The following NCALD variants were observed in gnomAD, a reference collection of about 807,000 sequenced individuals.
NCALD encodes the protein neurocalcin-delta.
Under a neutral mutation model 18.6 loss-of-function variants are expected in NCALD, and 10 were observed. The observed-to-expected ratio is 0.54, with a 90% CI of 0.33 to 0.91. NCALD has a LOEUF of 0.91. Ranked by LOEUF, NCALD falls within the 40% of genes least tolerant of loss-of-function variation. The pLI, the probability that NCALD is intolerant of heterozygous loss-of-function variation, is 0.03. For synonymous variants in NCALD, 88 were observed against 87.4 expected (o/e 1.01, Z -0.04); for missense variants, 184 against 247.6 (o/e 0.74, Z 1.72).
At position 101,689,263 on chromosome 8, in the gene NCALD, A is replaced by C; in HGVS notation, c.*46T>G. ...AAAAAATTGTTAAAAAGAAGAATCA[A>C]AAGGGAACACAAGCAGCTCTACAAT... is the stretch of plus-strand genomic sequence containing the variant. On this transcript the variant is annotated 3_prime_UTR_variant, in exon 4 of 4. Transcript: ENST00000220931. This position sits in a 1 kb window ranked among gnomAD's most constrained non-coding sequence, Gnocchi z 4.4. 1 of 1,578,284 alleles carries C rather than the reference A, an allele frequency of 6.3e-7. No homozygotes were observed. The highest frequency in any genetic ancestry group is 8.7e-7 in the Non-Finnish European group (1 of 1,155,742).
chr8:101,885,155 C>A (rs977829822), intron 4 of NCALD, among the ~76,000 whole-genome samples: 10 of 152,186 alleles, frequency 6.6e-5, no homozygotes, highest in Admixed American at 1.3e-4. Flanking sequence ...GTACAGATTT[C>A]TTGGGGACCC....
chr8:102,039,979 C>T (rs1404025454), intron 1 of NCALD, among the ~76,000 whole-genome samples: 1 of 152,116 alleles, frequency 6.6e-6, no homozygotes, highest in Non-Finnish European at 1.5e-5. Context: ...AACTTTCCAG[C>T]CATCAGAATT....
intron 4 of NCALD, among the ~76,000 whole-genome samples, chr8:101,863,075 C>T (rs1037996145): frequency 2.0e-5 from 3 of 152,122 alleles, no homozygotes; most frequent in Admixed American, 6.6e-5. Context: ...GAAATGAAAT[C>T]CAAGCAAGTT....
chr8:101,991,514 C>T (rs1367359649), intron 2 of NCALD, among the ~76,000 whole-genome samples: 4 of 152,114 alleles, frequency 2.6e-5, no homozygotes, highest in Non-Finnish European at 4.4e-5. Context: ...CAGAAGGTTA[C>T]AAAAAGTTAC....
At chr8:101,709,613 C>G (rs1189917677) in intron 2 of NCALD, among the ~76,000 whole-genome samples, 1 of 152,174 alleles carries the variant, frequency 6.6e-6, no homozygotes, top group Non-Finnish European at 1.5e-5. Context: ...GGTCAACATT[C>G]CCTCCACCCC....
upstream of NCALD, among the ~76,000 whole-genome samples, chr8:101,793,391 G>T: frequency 6.6e-6 from 1 of 150,408 alleles, no homozygotes; most frequent in East Asian, 2.0e-4. Context: ...CCTTCAAAAT[G>T]AAAAGTGGGT....
chr8:101,886,811 A>G (rs1816692963), intron 4 of NCALD, among the ~76,000 whole-genome samples: 1 of 152,170 alleles, frequency 6.6e-6, no homozygotes, highest in Non-Finnish European at 1.5e-5. Flanking sequence ...TTTTCCAGGA[A>G]TCAACAAGCC....
At chr8:101,917,946 C>T (rs986703812) in intron 2 of NCALD, among the ~76,000 whole-genome samples, 2 of 152,008 alleles carry the variant, frequency 1.3e-5, no homozygotes, top group East Asian at 1.9e-4. Context: ...TCCAAATAAT[C>T]GAGGAGAAAG....
intron 1 of NCALD, among the ~76,000 whole-genome samples, chr8:102,115,775 C>A (rs1587115265): frequency 6.6e-6 from 1 of 152,204 alleles, no homozygotes; most frequent in East Asian, 1.9e-4. Flanking sequence ...GCATCCTTAG[C>A]CTTCCTCTGA....
intron 4 of NCALD, among the ~76,000 whole-genome samples, chr8:101,803,718 T>C (rs916525423): frequency 2.0e-5 from 3 of 152,176 alleles, no homozygotes; most frequent in Non-Finnish European, 2.9e-5. Context: ...TGACTTCCTA[T>C]AGGGGTTGAA....
intron 1 of NCALD, among the ~76,000 whole-genome samples, chr8:102,028,351 G>A (rs1372606706): frequency 3.3e-5 from 5 of 152,158 alleles, no homozygotes; most frequent in Non-Finnish European, 7.3e-5. Context: ...CTTTTCTGTA[G>A]GTTAATTTTT....
intron 4 of NCALD, among the ~76,000 whole-genome samples, chr8:101,819,641 A>G (rs1166897548): frequency 1.3e-5 from 2 of 152,166 alleles, no homozygotes; most frequent in African/African-American, 4.8e-5. Flanking sequence ...TGACAGCACC[A>G]GGCCATTTTT....
chr8:101,778,288 C>T (rs1811875406), intron 1 of NCALD, among the ~76,000 whole-genome samples: 1 of 152,170 alleles, frequency 6.6e-6, no homozygotes, highest in Non-Finnish European at 1.5e-5. Context: ...CTCTACTAGT[C>T]AGCACAGTCG....
intron 1 of NCALD, among the ~76,000 whole-genome samples, chr8:102,102,418 C>T (rs186233970): frequency 3.3e-4 from 51 of 152,324 alleles, no homozygotes; most frequent in African/African-American, 1.2e-3. Flanking sequence ...TACCCCTAAC[C>T]CTTGCTGGGG....
intron 2 of NCALD, among the ~76,000 whole-genome samples, chr8:101,705,493 C>T (rs1815473216): frequency 6.6e-6 from 1 of 152,098 alleles, no homozygotes; most frequent in Admixed American, 6.5e-5. Flanking sequence ...CACAATCCTC[C>T]AGAACCTCGC....
intron 1 of NCALD, among the ~76,000 whole-genome samples, chr8:102,030,639 T>A (rs1447401871): frequency 3.3e-5 from 5 of 152,204 alleles, no homozygotes; most frequent in Admixed American, 2.0e-4. Context: ...CCCAGCACTT[T>A]CGGAGTTGGG....
intron 2 of NCALD, among the ~76,000 whole-genome samples, chr8:102,007,701 A>G (rs1821760429): frequency 6.6e-6 from 1 of 152,250 alleles, no homozygotes; most frequent in African/African-American, 2.4e-5. Flanking sequence ...GCAGGTAATT[A>G]TAGAACCAAA....
chr8:101,897,369 G>C (rs1388161903), intron 3 of NCALD, among the ~76,000 whole-genome samples: 1 of 131,212 alleles, frequency 7.6e-6, no homozygotes, highest in Non-Finnish European at 1.6e-5. Context: ...ACTGTGGTGG[G>C]GTGGGGGGAG....
chr8:102,021,685 A>G (rs2132104061), intron 1 of NCALD, among the ~76,000 whole-genome samples: 1 of 152,296 alleles, frequency 6.6e-6, no homozygotes, highest in Middle Eastern at 3.4e-3. Flanking sequence ...AGCCCGGTGA[A>G]TGACAGTGTA....
Sources: gnomAD v4.1 joint callset for allele counts (sites outside exome capture counted in the v4.1 genomes callset) on GRCh38, gnomAD v4.1.1 for gene constraint, Gnocchi (gnomAD v3.1) non-coding constraint, MANE v1.5 for transcripts, NCBI Gene and HGNC (gene_info 2026-07-23, HGNC 2026-07-21) for gene names.